Variants in EGLN1 observed in about 807,000 individuals in gnomAD.
EGLN1 encodes the protein egl-9 family hypoxia inducible factor 1.
Under a neutral mutation model 38.3 loss-of-function variants are expected in EGLN1, and 17 were observed. That is an observed-to-expected ratio of 0.44 (90% CI 0.30 to 0.67). EGLN1 has a LOEUF of 0.67. EGLN1 is among the 30% of genes least tolerant of loss of function. The pLI is 0.08. For missense variants in EGLN1, 477 were observed against 603.3 expected (o/e 0.79, Z 2.19); for synonymous variants, 283 against 257.5 (o/e 1.10, Z -0.95).
intron 1 of EGLN1, among the ~76,000 whole-genome samples, chr1:231,414,945 CT>C (rs1340464843): frequency 6.6e-6 from 1 of 151,974 alleles, no homozygotes; most frequent in African/African-American, 2.4e-5. Flanking sequence ...ACGTTGCCCC[CT>C]GGTCTGGAAC....
intron 1 of EGLN1, among the ~76,000 whole-genome samples, chr1:231,412,765 GAAGT>G (rs1256160234): frequency 6.6e-6 from 1 of 152,180 alleles, no homozygotes; most frequent in African/African-American, 2.4e-5. Flanking sequence ...GCTTGGCTGG[GAAGT>G]AAGTGTCAGC....
At chr1:231,376,712 G>T (rs950397105) in intron 1 of EGLN1, among the ~76,000 whole-genome samples, 1 of 152,080 alleles carries the variant, frequency 6.6e-6, no homozygotes, top group East Asian at 1.9e-4. Flanking sequence ...GTGAAAAGTT[G>T]TATTTTCTTA....
chr1:231,367,497 A>G, intron 4 of EGLN1, 72 bp downstream of exon 4: 1 of 1,431,568 alleles, frequency 7.0e-7, no homozygotes, highest in South Asian at 1.1e-5. Context: ...ACTATGCTTG[A>G]GTTTCCTGAA....
At chr1:231,379,649 C>T (rs189003719) in intron 1 of EGLN1, among the ~76,000 whole-genome samples, 1 of 152,292 alleles carries the variant, frequency 6.6e-6, no homozygotes. Context: ...CCCATATTCA[C>T]TCACACTAAG....
chr1:231,370,790 A>C (rs1687801679), intron 2 of EGLN1, 92 bp from the exon 3 acceptor site: 1 of 1,394,522 alleles, frequency 7.2e-7, no homozygotes, highest in East Asian at 2.3e-5. Context: ...TCAATGTCTT[A>C]ATTGGATTAT....
intron 1 of EGLN1, among the ~76,000 whole-genome samples, chr1:231,383,247 G>A (rs980050623): frequency 2.6e-5 from 4 of 152,012 alleles, no homozygotes; most frequent in African/African-American, 9.7e-5. Context: ...GCTCGGTTCT[G>A]GGGGAAGAGA....
chr1:231,422,129 A>C lies in EGLN1; in HGVS notation c.-241T>G. 2.7e-6 allele frequency: 1 copy of C among 365,628 alleles called. No homozygotes were observed. 22.6% of individuals were successfully genotyped at this position (365,628 alleles called of 1,614,324 possible). ...CGCCTCATCGCCGCCGAGGGCTGAGAGAATAGGGCCTGTGCGGCGAATGGC... is the reference window on the plus strand; with the variant it reads ...CGCCTCATCGCCGCCGAGGGCTGAGCGAATAGGGCCTGTGCGGCGAATGGC... On this transcript the variant is annotated 5_prime_UTR_variant, in exon 1 of 5. Coordinates refer to ENST00000366641, the MANE Select transcript of EGLN1 (RefSeq NM_022051.3).
At chr1:231,396,249 CTTTTT>C (rs5781649) in intron 1 of EGLN1, among the ~76,000 whole-genome samples, 59 of 139,164 alleles carry the variant, frequency 4.2e-4, no homozygotes, top group Middle Eastern at 3.6e-3. Context: ...TCACTGGCTT[CTTTTT>C]TTTTTTTTCT....
Position 231,420,866 on chromosome 1 carries a change from G to GAAGACGGACGGGGA in EGLN1, c.891+131_891+132insTCCCCGTCCGTCTT. On this transcript the variant is annotated intron_variant, in intron 1 of 4. Coordinates refer to ENST00000366641, the MANE Select transcript of EGLN1 (RefSeq NM_022051.3). Reference sequence around the variant, plus strand: ...AAATTCTGTCCGTCTTCCTTACGGGGAGCTACACAAGAAAGAGCGAGTCCC... The same window carrying GAAGACGGACGGGGA: ...AAATTCTGTCCGTCTTCCTTACGGGGAAGACGGACGGGGAAGCTACACAAGAAAGAGCGAGTCCC... The GAAGACGGACGGGGA allele has an allele frequency of 2.6e-6, 4 of 1,560,600 alleles. No individual in the cohort carries two copies. In the South Asian group the frequency reaches 4.5e-5, roughly 17 times the overall value.
At chr1:231,386,065 C>T (rs1181103100) in intron 1 of EGLN1, among the ~76,000 whole-genome samples, 1 of 151,500 alleles carries the variant, frequency 6.6e-6, no homozygotes, top group Non-Finnish European at 1.5e-5. Flanking sequence ...ATCTGCCTGC[C>T]TTGGCCTCCC....
At chr1:231,419,999 CAAAGA>C (rs1656515192) in intron 1 of EGLN1, among the ~76,000 whole-genome samples, 1 of 151,602 alleles carries the variant, frequency 6.6e-6, no homozygotes, top group African/African-American at 2.4e-5. Context: ...GGAGCAGCCA[CAAAGA>C]AAAGATCAAG....
intron 2 of EGLN1, among the ~76,000 whole-genome samples, chr1:231,372,244 C>A (rs1572019102): frequency 6.6e-6 from 1 of 152,192 alleles, no homozygotes. Flanking sequence ...GATCTGTATC[C>A]TCCAATAGAT....
At chr1:231,399,941 C>T (rs1377271234) in intron 1 of EGLN1, among the ~76,000 whole-genome samples, 1 of 152,064 alleles carries the variant, frequency 6.6e-6, no homozygotes, top group Non-Finnish European at 1.5e-5. Context: ...CACTTGAAGG[C>T]ACATGTCATA....
intron 1 of EGLN1, among the ~76,000 whole-genome samples, chr1:231,399,651 C>T (rs1423825016): frequency 6.6e-6 from 1 of 151,904 alleles, no homozygotes; most frequent in African/African-American, 2.4e-5. Flanking sequence ...CATATATTAG[C>T]TCATTTACTT....
At chr1:231,372,877 G>A (rs186659448) in intron 2 of EGLN1, among the ~76,000 whole-genome samples, 86 of 152,250 alleles carry the variant, frequency 5.6e-4, no homozygotes, top group Non-Finnish European at 1.1e-3. Flanking sequence ...GGGGGATGCA[G>A]AGAAAGAGGT....
Position 231,364,179 on chromosome 1 carries a change from C to A in EGLN1, c.*2232G>T, listed in dbSNP as rs1217437932. ...CAATTTAAGACCTGTCTGGCAAGCA[C>A]AACCCACAGATAGTAGAATCTAATA... On this transcript the variant is annotated 3_prime_UTR_variant, in exon 5 of 5. Coordinates refer to ENST00000366641, the MANE Select transcript of EGLN1 (RefSeq NM_022051.3). 1 of 152,194 alleles carries A rather than the reference C, an allele frequency of 6.6e-6. No individual in the cohort carries two copies. The highest frequency in any genetic ancestry group is 1.5e-5 in the Non-Finnish European group (1 of 68,024). 9.4% of individuals were successfully genotyped at this position (152,194 alleles called of 1,614,324 possible).
At position 231,421,126 on chromosome 1, in the gene EGLN1, T is replaced by C. The variant is rs767916069; in HGVS notation, c.763A>G (p.Lys255Glu). The C allele has an allele frequency of 4.3e-5, 70 of 1,614,200 alleles. No individual in the cohort carries two copies. The highest frequency in any genetic ancestry group is 1.6e-4 in the Middle Eastern group (1 of 6,062). ...SDSSKDIRGD[K>E]ITWIEGKEPG... ...TCCTTGCCCTCGATCCAGGTGATCTTATCGCCTCGGATGTCCTTGGACGAG... is the reference window on the plus strand; with the variant it reads ...TCCTTGCCCTCGATCCAGGTGATCTCATCGCCTCGGATGTCCTTGGACGAG... The change falls in exon 1 of 5, where the codon AAG (lysine) becomes GAG (glutamate). Residue 255 changes from lysine to glutamate, a missense_variant. Physicochemically the swap from Lys to Glu is moderately conservative, Grantham distance 56. Around this residue, in one of 4 missense-constraint regions of EGLN1, gnomAD observed 119 missense variants for 179.0 expected, o/e 0.66. Coordinates refer to ENST00000366641, the MANE Select transcript of EGLN1 (RefSeq NM_022051.3). The surrounding 1 kb of genome is among the most constrained non-coding windows in gnomAD (Gnocchi z 5.5).
chr1:231,389,512 C>T (rs1688313770), intron 1 of EGLN1, among the ~76,000 whole-genome samples: 1 of 152,126 alleles, frequency 6.6e-6, no homozygotes, highest in Admixed American at 6.6e-5. Context: ...AGACACATTC[C>T]TCATGGACTG....
intron 3 of EGLN1, chr1:231,369,564 A>C (rs1687761374): frequency 3.0e-6 from 3 of 985,358 alleles, no homozygotes; most frequent in Non-Finnish European, 3.6e-6. Flanking sequence ...GATTTCTTAC[A>C]ATCTCCAGCT....
Sources: allele counts gnomAD v4.1 joint callset (sites outside exome capture counted in the v4.1 genomes callset), GRCh38; gene constraint gnomAD v4.1.1; regional missense constraint gnomAD v4.1.1; non-coding constraint Gnocchi (gnomAD v3.1); transcripts MANE v1.5; gene names NCBI Gene and HGNC (gene_info 2026-07-23, HGNC 2026-07-21).